Variants in PPFIA2 observed in about 807,000 individuals in gnomAD.
PPFIA2 encodes liprin-alpha-2.
A neutral mutation model predicts 175.5 loss-of-function variants in PPFIA2; 46 were observed. That is an observed-to-expected ratio of 0.26 (90% CI 0.21 to 0.34). PPFIA2 has a LOEUF of 0.34. Among genes scored for constraint, PPFIA2 ranks in the 10% least tolerant of loss-of-function variants. The pLI is 1.00. For missense variants in PPFIA2, 1,179 were observed against 1,506.1 expected (o/e 0.78, Z 3.60); for synonymous variants, 568 against 511.4 (o/e 1.11, Z -1.49).
At position 81,550,988 on chromosome 12, in the gene PPFIA2, T is replaced by C. The variant is rs564779767; in HGVS notation, c.304-93122A>G. Among the ~76,000 whole-genome samples the C allele has an allele frequency of 2.0e-5, 3 of 151,956 alleles. No individual in the cohort carries two copies. In the South Asian group the frequency reaches 6.2e-4, roughly 31 times the overall value. On this transcript the variant is annotated intron_variant, in intron 4 of 32. Transcript: ENST00000549396. ...GTGATAAATGGTGCATTATGATGCA[T>C]TGAGATCAAATAAGAGAGTAAAAAA...
chr12:81,702,732 A>G (rs2076642234), intron 3 of PPFIA2, among the ~76,000 whole-genome samples: 2 of 152,236 alleles, frequency 1.3e-5, no homozygotes, highest in South Asian at 4.1e-4. Context: ...TCATATTTTG[A>G]ACCCCTAAAT....
intron 8 of PPFIA2, among the ~76,000 whole-genome samples, chr12:81,385,096 C>G (rs2038630980): frequency 6.6e-6 from 1 of 151,972 alleles, no homozygotes; most frequent in Admixed American, 6.6e-5. Flanking sequence ...CCAGCAGATA[C>G]ATGAAAAAAT....
chr12:81,687,409 A>G (rs1314457352), intron 3 of PPFIA2: 1 of 151,870 alleles, frequency 6.6e-6, no homozygotes, highest in African/African-American at 2.4e-5. Flanking sequence ...AGCCACCCCT[A>G]CCTTGTGGGT....
In PPFIA2 at chr12:81,267,945, A is replaced by G. The variant is rs1426270243; in HGVS notation, c.3453T>C (p.Ala1151=). ...LDENFDYSSL[A]LLLQIPTQNT... is the part of the protein sequence containing the mutation. ...TCTGTGTTGGAATCTGTAATAATAA[A>G]GCTAAGCTGCTGTAGTCAAAGTTTT... Residue 1151 remains alanine (A), a synonymous_variant, in exon 29 of 33, where the codon GCT becomes GCC. Transcript: ENST00000549396. The G allele has an allele frequency of 6.3e-7, 1 of 1,598,130 alleles. No individual in the cohort carries two copies. The highest frequency in any genetic ancestry group is 1.3e-5 in the African/African-American group (1 of 74,664).
At position 81,284,287 on chromosome 12, in the gene PPFIA2, C is replaced by A; in HGVS notation, c.2942G>T (p.Trp981Leu). 1 of 1,595,234 alleles carries A rather than the reference C, an allele frequency of 6.3e-7. No individual in the cohort carries two copies. Among genetic ancestry groups the A allele is most frequent in the East Asian group, 2.2e-5 (1 of 44,660 alleles). ...PTSRTPSGNV[W>L]VTHEEMENLA... is the part of the protein sequence containing the mutation. ...ATTTTCCATTTCTTCATGAGTCACC[C>A]AAACGTTGCCTGAAGGCTAGTGAGG... Residue 981 changes from tryptophan to leucine, a missense_variant, in exon 25 of 33, where the codon TGG becomes TTG. This residue lies in a region of PPFIA2 where 245 missense variants were observed against 375.1 expected (regional missense o/e 0.65). Coordinates refer to ENST00000549396, the MANE Select transcript of PPFIA2 (RefSeq NM_003625.5).
intron 4 of PPFIA2, among the ~76,000 whole-genome samples, chr12:81,507,460 A>G (rs546434462): frequency 2.0e-5 from 3 of 152,250 alleles, no homozygotes; most frequent in Admixed American, 6.5e-5. Flanking sequence ...ATTGAGTTTT[A>G]TATGTACCTC....
chr12:81,274,575 T>C (rs117855734), intron 28 of PPFIA2, among the ~76,000 whole-genome samples: 1,584 of 149,730 alleles, frequency 0.011, 13 homozygotes, highest in Middle Eastern at 0.031. Context: ...AAGCAATGTA[T>C]GCACTGACTT....
chr12:81,640,458 T>C (rs2064813116), intron 4 of PPFIA2, among the ~76,000 whole-genome samples: 1 of 152,122 alleles, frequency 6.6e-6, no homozygotes, highest in African/African-American at 2.4e-5. Context: ...TTTTCAAAAT[T>C]CCTCAATATT....
intron 6 of PPFIA2, among the ~76,000 whole-genome samples, chr12:81,442,829 T>C (rs1381841598): frequency 1.7e-5 from 2 of 116,776 alleles, no homozygotes; most frequent in Non-Finnish European, 3.5e-5. Context: ...GCATGGTTAA[T>C]TGCATCTTTT....
At chr12:81,518,766 A>T (rs1252216293) in intron 4 of PPFIA2, among the ~76,000 whole-genome samples, 2 of 152,056 alleles carry the variant, frequency 1.3e-5, no homozygotes, top group African/African-American at 4.8e-5. Flanking sequence ...AAGGGCAAAG[A>T]CTCTTCTGTT....
intron 28 of PPFIA2, among the ~76,000 whole-genome samples, chr12:81,276,428 A>G (rs1039487773): frequency 6.6e-6 from 1 of 152,148 alleles, no homozygotes; most frequent in African/African-American, 2.4e-5. Context: ...ACAAAAAAAT[A>G]CCTTTACCTA....
At chr12:81,674,460 G>C (rs2072050845) in intron 4 of PPFIA2, among the ~76,000 whole-genome samples, 1 of 151,980 alleles carries the variant, frequency 6.6e-6, no homozygotes, top group South Asian at 2.1e-4. Context: ...TTGAAGTCAG[G>C]AGTTCAAGAC....
At chr12:81,733,874 A>G (rs2081243701) in intron 3 of PPFIA2, among the ~76,000 whole-genome samples, 1 of 151,778 alleles carries the variant, frequency 6.6e-6, no homozygotes, top group Non-Finnish European at 1.5e-5. Context: ...CATCAGGATA[A>G]GCAACATTTT....
At chr12:81,393,115 T>A (rs2040458028) in intron 8 of PPFIA2, among the ~76,000 whole-genome samples, 1 of 152,038 alleles carries the variant, frequency 6.6e-6, no homozygotes, top group South Asian at 2.1e-4. Flanking sequence ...TACATTGCAG[T>A]TAAGTGAATA....
chr12:81,512,104 T>A (rs1477255307), intron 4 of PPFIA2, among the ~76,000 whole-genome samples: 2 of 152,130 alleles, frequency 1.3e-5, no homozygotes, highest in African/African-American at 4.8e-5. Context: ...TTGTGTGATT[T>A]TCTTTTTCTG....
intron 18 of PPFIA2, among the ~76,000 whole-genome samples, chr12:81,345,606 G>A (rs2058932662): frequency 6.6e-6 from 1 of 152,088 alleles, no homozygotes; most frequent in South Asian, 2.1e-4. Flanking sequence ...ACTTAAAAGT[G>A]TAAAACTGTG....
chr12:81,272,446 T>C (rs1013953093), intron 28 of PPFIA2, among the ~76,000 whole-genome samples: 1 of 152,216 alleles, frequency 6.6e-6, no homozygotes. Flanking sequence ...CACTAAACTC[T>C]CTTCTACTGT....
At chr12:81,496,449 G>A (rs1427630426) in intron 4 of PPFIA2, among the ~76,000 whole-genome samples, 1 of 152,176 alleles carries the variant, frequency 6.6e-6, no homozygotes, top group African/African-American at 2.4e-5. Context: ...TATAATAGGA[G>A]AAAGTCCTCA....
intron 4 of PPFIA2, among the ~76,000 whole-genome samples, chr12:81,460,159 C>T (rs1359280562): frequency 1.3e-5 from 2 of 152,076 alleles, no homozygotes; most frequent in Admixed American, 1.3e-4. Flanking sequence ...TTGTAACAAT[C>T]CCCACGTGTC....
Sources: gnomAD v4.1 joint callset for allele counts (sites outside exome capture counted in the v4.1 genomes callset) on GRCh38, gnomAD v4.1.1 for gene constraint, gnomAD v4.1.1 regional missense constraint, MANE v1.5 for transcripts, NCBI Gene and HGNC (gene_info 2026-07-23, HGNC 2026-07-21) for gene names.